The following CCDC102B variants were observed in gnomAD, a reference collection of about 807,000 sequenced individuals.
CCDC102B encodes coiled-coil domain-containing protein 102B.
A neutral mutation model predicts 57.4 loss-of-function variants in CCDC102B; 75 were observed. The observed-to-expected ratio is 1.31, with a 90% CI of 1.08 to 1.58. The LOEUF is 1.58. Among genes scored for constraint, CCDC102B ranks in the 40% most tolerant of loss-of-function variants. The pLI is 0.00. For missense variants in CCDC102B, 636 were observed against 582.6 expected, an observed-to-expected ratio of 1.09 and a Z score of -0.94; for synonymous variants, 206 against 201.9, an observed-to-expected ratio of 1.02 and a Z score of -0.17.
chr18:68,846,907 G>A (rs1330647648), intron 4 of CCDC102B, among the ~76,000 whole-genome samples: 3 of 151,566 alleles, frequency 2.0e-5, no homozygotes, highest in African/African-American at 7.3e-5. Flanking sequence ...TTTTCATATC[G>A]ACATTGTAGT....
chr18:68,911,328 G>A (rs146233802), intron 6 of CCDC102B, among the ~76,000 whole-genome samples: 222 of 152,212 alleles, frequency 1.5e-3, no homozygotes, highest in African/African-American at 5.2e-3. Flanking sequence ...GCCAGCTAAC[G>A]CAGGAACAGA....
chr18:68,872,154 G>A (rs1453112756), intron 4 of CCDC102B, among the ~76,000 whole-genome samples: 1 of 152,148 alleles, frequency 6.6e-6, no homozygotes, highest in Non-Finnish European at 1.5e-5. Context: ...TTTTGAGGGA[G>A]AAGTTCTGAA....
intron 1 of CCDC102B, among the ~76,000 whole-genome samples, chr18:68,799,493 AC>A (rs1355772876): frequency 1.3e-5 from 2 of 152,310 alleles, no homozygotes; most frequent in East Asian, 3.9e-4. Context: ...CAGTTACAAA[AC>A]AATGGCTGTA....
At chr18:68,914,355 C>T (rs879143914) in intron 6 of CCDC102B, among the ~76,000 whole-genome samples, 13 of 152,084 alleles carry the variant, frequency 8.5e-5, no homozygotes, top group African/African-American at 2.9e-4. Context: ...TGCAGTGGGA[C>T]GGTGTCTTGT....
At chr18:68,736,993 C>T (rs532498273) in intron 2 of CCDC102B, among the ~76,000 whole-genome samples, 1 of 152,082 alleles carries the variant, frequency 6.6e-6, no homozygotes, top group African/African-American at 2.4e-5. Flanking sequence ...GCACACACCT[C>T]AACTGCACAA....
chr18:68,869,892 T>G (rs1005980590), intron 4 of CCDC102B, among the ~76,000 whole-genome samples: 5 of 152,210 alleles, frequency 3.3e-5, no homozygotes, highest in Non-Finnish European at 5.9e-5. Context: ...CTTGAGCTAA[T>G]TCTTGTGTAA....
At chr18:68,973,284 T>C (rs1279880192) in intron 6 of CCDC102B, among the ~76,000 whole-genome samples, 1 of 152,080 alleles carries the variant, frequency 6.6e-6, no homozygotes, top group Non-Finnish European at 1.5e-5. Flanking sequence ...TGTAAGTCTA[T>C]ATAAAAAAAC....
intron 6 of CCDC102B, among the ~76,000 whole-genome samples, chr18:68,918,107 GAC>G (rs1365901738): frequency 6.6e-6 from 1 of 152,092 alleles, no homozygotes; most frequent in Admixed American, 6.6e-5. Flanking sequence ...AGAGGGTAAA[GAC>G]AATTAGAAAA....
At chr18:68,926,121 T>G (rs753006009) in intron 6 of CCDC102B, among the ~76,000 whole-genome samples, 7 of 151,950 alleles carry the variant, frequency 4.6e-5, no homozygotes, top group Non-Finnish European at 7.4e-5. Context: ...GTAGGAAAGT[T>G]AATGGAATAT....
intron 1 of CCDC102B, among the ~76,000 whole-genome samples, chr18:68,809,560 A>T (rs1488296738): frequency 2.0e-5 from 3 of 148,270 alleles, no homozygotes; most frequent in African/African-American, 7.6e-5. Context: ...TAACAAATGA[A>T]TTTTTGAAAA....
chr18:68,938,350 A>G (rs1322128810), intron 6 of CCDC102B, among the ~76,000 whole-genome samples: 2 of 152,050 alleles, frequency 1.3e-5, no homozygotes, highest in Admixed American at 6.6e-5. Context: ...GGATGAGGCC[A>G]TGTTTTATAC....
Position 68,947,238 on chromosome 18 carries a change from G to A in CCDC102B, c.1263+49810G>A, listed in dbSNP as rs1949738207. On this transcript the variant is annotated intron_variant, in intron 6 of 7. Transcript: ENST00000360242. ...CTACAACTTCCGGAACAACTGTTTT[G>A]TTTAATTCATTACCTATCATTTACA... is the stretch of plus-strand genomic sequence containing the variant. 1.3e-5 allele frequency among the ~76,000 whole-genome samples: 2 copies of A among 151,716 alleles called. 1 individual carries two copies. The highest frequency in any genetic ancestry group is 4.2e-4 in the South Asian group (2 of 4,804).
intron 1 of CCDC102B, among the ~76,000 whole-genome samples, chr18:68,832,002 A>T (rs2037161999): frequency 6.6e-6 from 1 of 152,104 alleles, no homozygotes; most frequent in South Asian, 2.1e-4. Context: ...CGTATCTATC[A>T]TAATGGTTGT....
intron 5 of CCDC102B, among the ~76,000 whole-genome samples, chr18:68,886,388 T>G (rs939695867): frequency 3.3e-5 from 5 of 151,968 alleles, no homozygotes; most frequent in East Asian, 1.9e-4. Context: ...AAAAAAAATT[T>G]TCAGTAAATG....
At chr18:68,861,136 A>AT (rs2038731377) in intron 4 of CCDC102B, among the ~76,000 whole-genome samples, 1 of 39,430 alleles carries the variant, frequency 2.5e-5, no homozygotes, top group Non-Finnish European at 4.8e-5. Context: ...TTAAAACATA[A>AT]TAAAAAAAAA....
At chr18:68,818,619 G>C (rs1306023423) in intron 1 of CCDC102B, among the ~76,000 whole-genome samples, 1 of 152,032 alleles carries the variant, frequency 6.6e-6, no homozygotes. Context: ...TATTATAATT[G>C]GGATTATGCA....
At chr18:68,810,534 T>A (rs2036204007) in intron 1 of CCDC102B, among the ~76,000 whole-genome samples, 1 of 152,162 alleles carries the variant, frequency 6.6e-6, no homozygotes, top group South Asian at 2.1e-4. Context: ...TAGCATATCT[T>A]ATTCTCCATC....
chr18:68,870,202 G>T (rs1445036386), intron 4 of CCDC102B, among the ~76,000 whole-genome samples: 1 of 152,058 alleles, frequency 6.6e-6, no homozygotes, highest in East Asian at 1.9e-4. Context: ...TCAGGGGGTG[G>T]GTGGGGGAAA....
At chr18:68,992,325 C>A (rs1035527321) in intron 6 of CCDC102B, among the ~76,000 whole-genome samples, 2 of 152,140 alleles carry the variant, frequency 1.3e-5, no homozygotes, top group African/African-American at 4.8e-5. Flanking sequence ...ATAGGAAATG[C>A]ATTGACATTG....
Sources: gnomAD v4.1 joint callset for allele counts (sites outside exome capture counted in the v4.1 genomes callset) on GRCh38, gnomAD v4.1.1 for gene constraint, MANE v1.5 for transcripts, NCBI Gene and HGNC (gene_info 2026-07-23, HGNC 2026-07-21) for gene names.